TNKS: variants seen among roughly 807,000 people sequenced by gnomAD.
TNKS encodes the protein tankyrase, also known as poly [ADP-ribose] polymerase tankyrase-1.
TNKS carries 72 observed loss-of-function variants against 135.8 expected under a neutral mutation model. That is an observed-to-expected ratio of 0.53 (90% CI 0.44 to 0.64). TNKS has a LOEUF of 0.64. Ranked by LOEUF, TNKS falls within the 30% of genes least tolerant of loss-of-function variation. The probability of loss-of-function intolerance (pLI) is 0.00; values close to 1 mark genes in which losing one functional copy is unlikely to be tolerated. For missense variants in TNKS, 1,769 were observed against 1,674.0 expected, an observed-to-expected ratio of 1.06 and a Z score of -0.99; for synonymous variants, 849 against 649.3, an observed-to-expected ratio of 1.31 and a Z score of -4.68.
chr8:9,635,127 G>A (rs571557651), intron 3 of TNKS, among the ~76,000 whole-genome samples: 105 of 151,196 alleles, frequency 6.9e-4, no homozygotes, highest in Middle Eastern at 3.4e-3. Context: ...CCGAGACCGC[G>A]CCACTGCACT....
intron 25 of TNKS, among the ~76,000 whole-genome samples, chr8:9,768,493 T>G (rs143866210): frequency 1.1e-3 from 160 of 152,358 alleles, no homozygotes; most frequent in African/African-American, 3.6e-3. Context: ...CCCTACCATT[T>G]AGGCTGCTGC....
intron 1 of TNKS, among the ~76,000 whole-genome samples, chr8:9,564,189 CT>C (rs1254692572): frequency 6.6e-6 from 1 of 152,228 alleles, no homozygotes; most frequent in South Asian, 2.1e-4. Flanking sequence ...ACTATTTAGT[CT>C]TTTTGGTAAG....
At chr8:9,718,408 C>A (rs1186472953) in intron 11 of TNKS, among the ~76,000 whole-genome samples, 1 of 152,136 alleles carries the variant, frequency 6.6e-6, no homozygotes, top group Non-Finnish European at 1.5e-5. Context: ...GAAGTGGCCT[C>A]AGGATTAGCT....
intron 2 of TNKS, among the ~76,000 whole-genome samples, chr8:9,602,729 A>T (rs4840430): frequency 1.3e-5 from 2 of 152,190 alleles, no homozygotes; most frequent in African/African-American, 4.8e-5. Flanking sequence ...AACATTTTCT[A>T]TTAGCCACAT....
chr8:9,771,139 GGAGAGA>G (rs141103583), intron 26 of TNKS, among the ~76,000 whole-genome samples: 1 of 147,728 alleles, frequency 6.8e-6, no homozygotes, highest in South Asian at 2.2e-4. Flanking sequence ...AGGGAGGGAA[GGAGAGA>G]GAGAGAGACA....
intron 11 of TNKS, among the ~76,000 whole-genome samples, chr8:9,719,652 A>G (rs897637730): frequency 6.6e-6 from 1 of 152,158 alleles, no homozygotes; most frequent in African/African-American, 2.4e-5. Context: ...AGCAAGCACA[A>G]TGAACGTGGA....
intron 3 of TNKS, among the ~76,000 whole-genome samples, chr8:9,647,175 C>T (rs576285803): frequency 6.6e-6 from 1 of 152,202 alleles, no homozygotes; most frequent in South Asian, 2.1e-4. Context: ...AACAGACACA[C>T]ACATGCAAGC....
intron 5 of TNKS, among the ~76,000 whole-genome samples, chr8:9,694,477 C>A (rs1471369634): frequency 6.6e-6 from 1 of 151,896 alleles, no homozygotes; most frequent in Non-Finnish European, 1.5e-5. Context: ...AAAGTATTGT[C>A]CAGGCCCGGC....
At chr8:9,576,929 TA>T (rs554238212) in intron 1 of TNKS, among the ~76,000 whole-genome samples, 2 of 152,078 alleles carry the variant, frequency 1.3e-5, no homozygotes, top group Non-Finnish European at 2.9e-5. Context: ...CACAAGTGTT[TA>T]AAAAACACAC....
chr8:9,704,758 G>A lies in TNKS; in HGVS notation c.1202+1G>A. On this transcript the variant is annotated splice_donor_variant, in intron 6 of 26. Transcript: ENST00000310430. LOFTEE classifies it high-confidence loss of function. ...CTGATGTTCATGCAAAAGACAAAGG[G>A]TAGGTCTATCAGTTTACTTCCTGTC... The A allele has an allele frequency of 6.2e-7, 1 of 1,611,662 alleles. No individual in the cohort carries two copies. Among genetic ancestry groups the A allele is most frequent in the Non-Finnish European group, 8.5e-7 (1 of 1,178,366 alleles).
At chr8:9,556,799 G>GCCCC in intron 1 of TNKS, 187 bp downstream of exon 1, 1 of 393,350 alleles carries the variant, frequency 2.5e-6, no homozygotes, top group Non-Finnish European at 4.8e-6. Flanking sequence ...GGTTGGGGGG[G>GCCCC]ATAAGTGAAT....
At chr8:9,761,195 C>G (rs1227812751) in intron 20 of TNKS, among the ~76,000 whole-genome samples, 1 of 152,184 alleles carries the variant, frequency 6.6e-6, no homozygotes, top group Non-Finnish European at 1.5e-5. Context: ...GATTCCTCCT[C>G]TATCTTGAGG....
At chr8:9,601,676 C>G (rs1026216073) in intron 2 of TNKS, among the ~76,000 whole-genome samples, 3 of 152,072 alleles carry the variant, frequency 2.0e-5, no homozygotes, top group Non-Finnish European at 2.9e-5. Flanking sequence ...ATTAAGGTAG[C>G]TGAAGTAGTT....
chr8:9,776,750 G>T lies in TNKS; in HGVS notation c.*14G>T. On this transcript the variant is annotated 3_prime_UTR_variant, in exon 27 of 27. Transcript: ENST00000310430. Reference sequence around the variant, plus strand: ...CAGAAGACCTAGTGAATGCCTGCTGGTGAAGGCCAGATCAGATTTCAACCT... The same window carrying T: ...CAGAAGACCTAGTGAATGCCTGCTGTTGAAGGCCAGATCAGATTTCAACCT... 6.2e-7 allele frequency: 1 copy of T among 1,611,874 alleles called. No homozygotes were observed. Among genetic ancestry groups the T allele is most frequent in the South Asian group, 1.1e-5 (1 of 91,024 alleles).
At chr8:9,651,934 C>T (rs1801162857) in intron 3 of TNKS, among the ~76,000 whole-genome samples, 1 of 152,160 alleles carries the variant, frequency 6.6e-6, no homozygotes, top group African/African-American at 2.4e-5. Context: ...AGGATTATTA[C>T]ACTGCAGGGT....
chr8:9,601,102 A>T (rs754233310), intron 2 of TNKS, among the ~76,000 whole-genome samples: 13 of 152,340 alleles, frequency 8.5e-5, no homozygotes, highest in Non-Finnish European at 1.5e-4. Flanking sequence ...ATATCCCATT[A>T]TAAAAATAAC....
At chr8:9,736,702 A>T (rs1289647475) in intron 17 of TNKS, among the ~76,000 whole-genome samples, 1 of 86,234 alleles carries the variant, frequency 1.2e-5, no homozygotes, top group Non-Finnish European at 2.3e-5. Context: ...GTCAAAGATC[A>T]GATAGTTGTA....
rs769342788 is a variant in TNKS, at chr8:9,715,264, A to G, written c.1749+5044A>G. ...GGTCTTCGCAATAAATGGCACACTT[A>G]AAGTGGGTAATTTGATGAAAGTTTA... On this transcript the variant is annotated intron_variant, in intron 11 of 26. Coordinates refer to ENST00000310430, the MANE Select transcript of TNKS (RefSeq NM_003747.3). 2.3e-4 allele frequency among the ~76,000 whole-genome samples: 35 copies of G among 152,130 alleles called. 1 individual carries two copies. The highest frequency in any genetic ancestry group is 4.1e-4 in the Non-Finnish European group (28 of 68,020).
At chr8:9,572,826 C>G (rs866068751) in intron 1 of TNKS, among the ~76,000 whole-genome samples, 10 of 152,062 alleles carry the variant, frequency 6.6e-5, no homozygotes, top group African/African-American at 2.4e-4. Context: ...TCTGGAACCG[C>G]TAGTGTTAAA....
Sources: allele counts gnomAD v4.1 joint callset (sites outside exome capture counted in the v4.1 genomes callset), GRCh38; gene constraint gnomAD v4.1.1; transcripts MANE v1.5; gene names NCBI Gene and HGNC (gene_info 2026-07-23, HGNC 2026-07-21).